TEP1: variants seen among roughly 807,000 people sequenced by gnomAD.
TEP1 encodes the protein telomerase protein component 1.
A neutral mutation model predicts 306.3 loss-of-function variants in TEP1; 241 were observed. The observed-to-expected ratio is 0.79, with a 90% CI of 0.71 to 0.88. The LOEUF is 0.88. Among genes scored for constraint, TEP1 ranks in the 40% least tolerant of loss-of-function variants. The probability of loss-of-function intolerance (pLI) is 0.00; values close to 1 mark genes in which losing one functional copy is unlikely to be tolerated. For missense variants in TEP1, 3,051 were observed against 3,276.1 expected, an observed-to-expected ratio of 0.93 and a Z score of 1.68; for synonymous variants, 1,289 against 1,305.5, an observed-to-expected ratio of 0.99 and a Z score of 0.27.
At chr14:20,378,345 G>A (rs1415296062) in intron 38 of TEP1, 35 bp downstream of exon 38, 15 of 1,613,632 alleles carry the variant, frequency 9.3e-6, no homozygotes, top group Middle Eastern at 1.7e-4. Context: ...CTGTCCTCCT[G>A]TGCTTCCCCC....
chr14:20,401,372 G>C, intron 8 of TEP1, 85 bp downstream of exon 8: 3 of 1,565,138 alleles, frequency 1.9e-6, no homozygotes, highest in Non-Finnish European at 2.6e-6. Context: ...TGCTGGGTTT[G>C]AGAACTACTG....
At position 20,386,222 on chromosome 14, in the gene TEP1, G is replaced by T. The variant is rs757853399; in HGVS notation, c.2862-27C>A. 12 of 1,613,598 alleles carry T rather than the reference G, an allele frequency of 7.4e-6. No homozygotes were observed. In the Admixed American group the frequency reaches 2.0e-4, roughly 27 times the overall value. ...TGTAGGCATGATGATAGGGACGTGT[G>T]GGAGTCACTGGGGGCATGGTATCAG... On this transcript the variant is annotated intron_variant, in intron 19 of 54. Coordinates refer to ENST00000262715, the MANE Select transcript of TEP1 (RefSeq NM_007110.5).
rs79714188 is a variant in TEP1, at chr14:20,413,478, G to C, written c.-98C>G. Reference sequence around the variant, plus strand: ...TCTGCCGGTGGGAAGGGTGGCAGCCGGGGGAGGAGCCGGATGCGGATCTGA... The same window carrying C: ...TCTGCCGGTGGGAAGGGTGGCAGCCCGGGGAGGAGCCGGATGCGGATCTGA... On this transcript the variant is annotated 5_prime_UTR_variant, in exon 1 of 55. Coordinates refer to ENST00000262715, the MANE Select transcript of TEP1 (RefSeq NM_007110.5). 4,565 of 152,376 alleles carry C rather than the reference G, an allele frequency of 0.03. 238 individuals are homozygous for C. Among genetic ancestry groups the C allele is most frequent in the African/African-American group, 0.1 (4,293 of 41,470 alleles). The allele number at this position is 152,376 out of a possible 1,614,324, so 9.4% of individuals were successfully genotyped here.
At chr14:20,387,756 G>T in intron 18 of TEP1, 149 bp downstream of exon 18, 1 of 924,892 alleles carries the variant, frequency 1.1e-6, no homozygotes, top group Non-Finnish European at 1.6e-6. Context: ...AACTCCCTGT[G>T]GTAGAGAAAC....
In TEP1 at chr14:20,400,971, A is replaced by G; in HGVS notation, c.1549+13T>C. The G allele has an allele frequency of 6.2e-7, 1 of 1,613,312 alleles. No individual in the cohort carries two copies. Among genetic ancestry groups the G allele is most frequent in the Non-Finnish European group, 8.5e-7 (1 of 1,179,596 alleles). The stretch of plus-strand genomic sequence containing the variant: ...AAGAGAAGGAGGGAATGTGATGGTC[A>G]AGGTCACTCTACCAATGAGTTCCTC... On this transcript the variant is annotated intron_variant, in intron 9 of 54. Coordinates refer to ENST00000262715, the MANE Select transcript of TEP1 (RefSeq NM_007110.5).
intron 41 of TEP1, among the ~76,000 whole-genome samples, 154 bp from the exon 42 acceptor site, chr14:20,376,418 G>A (rs1885181162): frequency 6.6e-6 from 1 of 152,198 alleles, no homozygotes; most frequent in Admixed American, 6.5e-5. Flanking sequence ...GCTGTGGAGA[G>A]GCCCTGGGCA....
At position 20,372,839 on chromosome 14, in the gene TEP1, C is replaced by G; in HGVS notation, c.6970G>C (p.Ala2324Pro). The G allele has an allele frequency of 6.2e-7, 1 of 1,614,182 alleles. No individual in the cohort carries two copies. The highest frequency in any genetic ancestry group is 8.5e-7 in the Non-Finnish European group (1 of 1,180,046). Residue 2324 changes from alanine (A) to proline (P), a missense_variant, in exon 49 of 55, where the codon GCT (alanine) becomes CCT (proline). By Grantham distance (27) the Ala-to-Pro change is conservative. Around this residue, in one of 3 missense-constraint regions of TEP1, gnomAD observed 1,540 missense variants for 1,705.9 expected, o/e 0.90. Coordinates refer to ENST00000262715, the MANE Select transcript of TEP1 (RefSeq NM_007110.5). The part of the protein sequence containing the change: ...ATAQAPGHIG[A>P]LIWSSAHTFF... ...GTGTGTGCCGAGGACCAGATCAGAG[C>G]ACCAATGTGGCCTGGAGCCTGGTGT...
In TEP1 at chr14:20,369,654, G is replaced by A. The variant is rs1344288235; in HGVS notation, c.7423+20C>T. On this transcript the variant is annotated intron_variant, in intron 52 of 54. Transcript: ENST00000262715. ...CCTGGGCCATCTCCCGGCTCCTCAG[G>A]TCCTCCTGTTACCACTCACCAGATT... The A allele has an allele frequency of 5.6e-6, 9 of 1,613,100 alleles. No homozygotes were observed. Among genetic ancestry groups the A allele is most frequent in the African/African-American group, 1.3e-5 (1 of 74,972 alleles).
chr14:20,400,029 G>A (rs901441547), intron 9 of TEP1, among the ~76,000 whole-genome samples: 8 of 150,620 alleles, frequency 5.3e-5, no homozygotes, highest in Admixed American at 1.3e-4. Flanking sequence ...GGTGGCATGC[G>A]CCTGTAATCC....
At chr14:20,408,858 G>C (rs1159310181) in intron 1 of TEP1, among the ~76,000 whole-genome samples, 3 of 151,542 alleles carry the variant, frequency 2.0e-5, no homozygotes, top group Admixed American at 1.3e-4. Flanking sequence ...AAAAAGGAAT[G>C]GCTGGAGAGG....
rs375280462 is a variant in TEP1, at chr14:20,408,093, G to C, written c.347C>G (p.Ser116Cys). The C allele has an allele frequency of 4.9e-5, 79 of 1,614,052 alleles. No individual in the cohort carries two copies. Among genetic ancestry groups the C allele is most frequent in the Non-Finnish European group, 6.6e-5 (78 of 1,180,036 alleles). The change falls in exon 2 of 55, where the codon TCT becomes TGT. Residue 116 changes from serine (S) to cysteine (C), a missense_variant. Ser to Cys is a moderately radical substitution (Grantham distance 112). Around this residue, in one of 3 missense-constraint regions of TEP1, gnomAD observed 1,507 missense variants for 1,550.5 expected, o/e 0.97. Coordinates refer to ENST00000262715, the MANE Select transcript of TEP1 (RefSeq NM_007110.5). ...GGCAGACACAGTGCTCTTTAGACTA[G>C]AGAGGGTGGCCAGGCACCGGTTCTC... ...SLENRCLATL[S>C]SLKSTVSASP...
rs759947993 is a variant in TEP1, at chr14:20,405,475, G to A, written c.846C>T (p.Leu282=). ...AIFEICRELA[L]LEPEFILKAS... is the part of the protein sequence containing the mutation. ...CCTTGAGGATAAACTCAGGCTCCAG[G>A]AGGGCAAGTTCACGACAGATTTCAA... Residue 282 remains leucine, a synonymous_variant, in exon 4 of 55, where the codon CTC becomes CTT. Coordinates refer to ENST00000262715, the MANE Select transcript of TEP1 (RefSeq NM_007110.5). 2.1e-5 allele frequency: 34 copies of A among 1,614,104 alleles called. 1 individual carries two copies. The East Asian group carries it at 5.3e-4, about 25-fold the overall frequency.
chr14:20,389,108 A>G, intron 17 of TEP1, 130 bp downstream of exon 17: 2 of 805,274 alleles, frequency 2.5e-6, no homozygotes, highest in Non-Finnish European at 4.0e-6. Context: ...AGATTGTGCC[A>G]CTGCACTCCA....
At position 20,382,267 on chromosome 14, in the gene TEP1, A is replaced by T. The variant is rs775821946; in HGVS notation, c.4230T>A (p.Asp1410Glu). Residue 1410 changes from aspartate to glutamate, a missense_variant, in exon 29 of 55, where the codon GAT becomes GAA. Coordinates refer to ENST00000262715, the MANE Select transcript of TEP1 (RefSeq NM_007110.5). ...LSTLEKEHGP[D>E]VLPQALTALE... The stretch of plus-strand genomic sequence containing the variant: ...GGGCAGTCAAGGCCTGGGGAAGGAC[A>T]TCAGGCCCGTGCTCCTTCTCCAGTG... 1 of 1,614,128 alleles carries T rather than the reference A, an allele frequency of 6.2e-7. No homozygotes were observed. The highest frequency in any genetic ancestry group is 1.1e-5 in the South Asian group (1 of 91,088).
intron 13 of TEP1, 62 bp downstream of exon 13, chr14:20,391,537 T>C (rs924045641): frequency 5.2e-6 from 8 of 1,546,574 alleles, no homozygotes; most frequent in African/African-American, 1.4e-5. Flanking sequence ...AACAGGATAC[T>C]GCTCAGGATC....
In TEP1 at chr14:20,378,118, C is replaced by T. The variant is rs757193694; in HGVS notation, c.5627G>A (p.Arg1876Gln). The change falls in exon 39 of 55, where the codon CGG (arginine) becomes CAG (glutamine). Residue 1876 changes from arginine (R) to glutamine (Q), a missense_variant. Arg to Gln is a conservative substitution (Grantham distance 43). Around this residue, in one of 3 missense-constraint regions of TEP1, gnomAD observed 1,540 missense variants for 1,705.9 expected, o/e 0.90. Coordinates refer to ENST00000262715, the MANE Select transcript of TEP1 (RefSeq NM_007110.5). ...ATGGTGGGCAGGGAAGGCAGCCAGC[C>T]GTGCCCCTTCTCGCCAGGCCCACAG... is the stretch of plus-strand genomic sequence containing the variant. ...VELWAWREGA[R>Q]LAAFPAHHGF... is the part of the protein sequence containing the mutation. 33 of 1,613,770 alleles carry T rather than the reference C, an allele frequency of 2.0e-5. No individual in the cohort carries two copies. The highest frequency in any genetic ancestry group is 8.0e-5 in the African/African-American group (6 of 74,902).
chr14:20,372,906 CA>C (rs755961646), intron 48 of TEP1, 49 bp from the exon 49 acceptor site: 63 of 1,613,456 alleles, frequency 3.9e-5, no homozygotes, highest in Non-Finnish European at 5.2e-5. Context: ...AGCCAGGATG[CA>C]CCATCTTTTC....
Position 20,366,515 on chromosome 14 carries a change from A to C in TEP1, c.*1922T>G, listed in dbSNP as rs1217567191. 1 of 152,218 alleles carries C rather than the reference A, an allele frequency of 6.6e-6. No homozygotes were observed. Among genetic ancestry groups the C allele is most frequent in the African/African-American group, 2.4e-5 (1 of 41,452 alleles). The allele number at this position is 152,218 out of a possible 1,614,324, so 9.4% of individuals were successfully genotyped here. On this transcript the variant is annotated 3_prime_UTR_variant, in exon 55 of 55. Coordinates refer to ENST00000262715, the MANE Select transcript of TEP1 (RefSeq NM_007110.5). ...AAGGTATATTTCGAGGCTTGGCATG[A>C]GGCACATAAGAGAAGACAGAAGCAT...
chr14:20,388,542 A>G (rs573497478), intron 17 of TEP1, among the ~76,000 whole-genome samples: 16 of 152,216 alleles, frequency 1.1e-4, no homozygotes, highest in Non-Finnish European at 1.9e-4. Context: ...ACGTGAAAAG[A>G]TTTCTGTAAT....
Sources: gnomAD v4.1 joint callset for allele counts (sites outside exome capture counted in the v4.1 genomes callset) on GRCh38, gnomAD v4.1.1 for gene constraint, gnomAD v4.1.1 regional missense constraint, MANE v1.5 for transcripts, NCBI Gene and HGNC (gene_info 2026-07-23, HGNC 2026-07-21) for gene names.